The following UGT1A10 variants were observed in gnomAD, a reference collection of about 807,000 sequenced individuals.
UGT1A10 encodes UDP glucuronosyltransferase family 1 member A10, also known as UDP-glucuronosyltransferase 1A10.
A neutral mutation model predicts 45.8 loss-of-function variants in UGT1A10; 49 were observed. The observed-to-expected ratio is 1.07, with a 90% CI of 0.85 to 1.36. UGT1A10 has a LOEUF of 1.36. UGT1A10 is among the 40% of genes most tolerant of loss of function. UGT1A10 has a pLI of 0.00. For synonymous variants in UGT1A10, 284 were observed against 249.7 expected, an observed-to-expected ratio of 1.14 and a Z score of -1.29; for missense variants, 745 against 668.6, an observed-to-expected ratio of 1.11 and a Z score of -1.26.
Position 233,767,180 on chromosome 2 carries a change from T to C in UGT1A10, c.987+15T>C, listed in dbSNP as rs4148327. 1,996 of 1,614,008 alleles carry C rather than the reference T, an allele frequency of 1.2e-3. 35 individuals are homozygous for C. In the East Asian group the frequency reaches 0.04, roughly 32 times the overall value. On this transcript the variant is annotated intron_variant, in intron 2 of 4. Transcript: ENST00000344644. Reference sequence around the variant, plus strand: ...TCCCTCAGACAGTAAGAAGATTCTATACCATGGCCTCATATCTATTTTCAC... The same window carrying C: ...TCCCTCAGACAGTAAGAAGATTCTACACCATGGCCTCATATCTATTTTCAC...
chr2:233,718,994 G>A lies in UGT1A10; in HGVS notation c.856-48040G>A, dbSNP rs749212538. ...AGCTCCATGCCAGAGGCCACCAGGC[G>A]GTGGTCCTCACCCCAGAGGTGAATA... On this transcript the variant is annotated intron_variant, in intron 1 of 4. Coordinates refer to ENST00000344644, the MANE Select transcript of UGT1A10 (RefSeq NM_019075.4). 2.7e-4 allele frequency: 436 copies of A among 1,613,960 alleles called. 1 individual carries two copies. The highest frequency in any genetic ancestry group is 1.8e-3 in the Admixed American group (110 of 60,006).
At chr2:233,668,366 C>T (rs1245270085) in intron 1 of UGT1A10, among the ~76,000 whole-genome samples, 2 of 152,144 alleles carry the variant, frequency 1.3e-5, no homozygotes, top group African/African-American at 2.4e-5. Flanking sequence ...TCATCCATGT[C>T]GCTACAAAGG....
At chr2:233,732,288 A>G (rs568891817) in intron 1 of UGT1A10, among the ~76,000 whole-genome samples, 10 of 152,250 alleles carry the variant, frequency 6.6e-5, no homozygotes, top group Non-Finnish European at 1.0e-4. Context: ...GAAGCTCTTT[A>G]GTTTAATTAG....
chr2:233,685,430 G>A (rs1665210350), intron 1 of UGT1A10, among the ~76,000 whole-genome samples: 1 of 152,068 alleles, frequency 6.6e-6, no homozygotes, highest in Non-Finnish European at 1.5e-5. Context: ...CAGTTATAAA[G>A]AATTCGAGCT....
intron 1 of UGT1A10, among the ~76,000 whole-genome samples, chr2:233,641,648 C>G (rs934664193): frequency 6.6e-6 from 1 of 152,156 alleles, no homozygotes; most frequent in African/African-American, 2.4e-5. Flanking sequence ...GCTTCCTTTT[C>G]TTTCTGATTG....
At chr2:233,643,198 G>C (rs559242984) in intron 1 of UGT1A10, among the ~76,000 whole-genome samples, 18 of 152,330 alleles carry the variant, frequency 1.2e-4, no homozygotes, top group African/African-American at 4.1e-4. Context: ...TCAGGGACTA[G>C]AGTCAAAAAC....
chr2:233,726,468 A>G (rs2077534050), intron 1 of UGT1A10, among the ~76,000 whole-genome samples: 1 of 152,184 alleles, frequency 6.6e-6, no homozygotes, highest in Non-Finnish European at 1.5e-5. Flanking sequence ...TCATTTCTTT[A>G]ACAGAAATTT....
chr2:233,638,872 T>C (rs888750964), intron 1 of UGT1A10, among the ~76,000 whole-genome samples: 2 of 152,232 alleles, frequency 1.3e-5, no homozygotes, highest in African/African-American at 4.8e-5. Context: ...GGCATGACTT[T>C]CAGCTCATGG....
intron 1 of UGT1A10, among the ~76,000 whole-genome samples, chr2:233,749,893 C>A (rs141027223): frequency 6.6e-5 from 10 of 151,938 alleles, no homozygotes; most frequent in Non-Finnish European, 1.2e-4. Context: ...GAGGCTCCCC[C>A]CTCCAGCCAC....
At position 233,672,226 on chromosome 2, in the gene UGT1A10, T is replaced by C. The variant is rs1368031300; in HGVS notation, c.855+34849T>C. 3 of 1,614,100 alleles carry C rather than the reference T, an allele frequency of 1.9e-6. No homozygotes were observed. Among genetic ancestry groups the C allele is most frequent in the African/African-American group, 1.3e-5 (1 of 75,058 alleles). On this transcript the variant is annotated intron_variant, in intron 1 of 4. Transcript: ENST00000344644. ...GTTCAAGGCTTTTGCCCATGCTCAA[T>C]GGAAAGCACAAGTACGAAGTATATA...
At position 233,769,662 on chromosome 2, in the gene UGT1A10, G is replaced by A; in HGVS notation, c.1295+1223G>A. 1 of 1,599,484 alleles carries A rather than the reference G, an allele frequency of 6.3e-7. No individual in the cohort carries two copies. The highest frequency in any genetic ancestry group is 8.5e-7 in the Non-Finnish European group (1 of 1,173,496). On this transcript the variant is annotated intron_variant, in intron 4 of 4. Transcript: ENST00000344644. The surrounding 1 kb of genome is among the most constrained non-coding windows in gnomAD (Gnocchi z 4.4). ...GACTGATGACTGACTTCCCACCTTT[G>A]AGGTGCTAATGTGTGTGTGGTGGCA...
At chr2:233,743,641 G>A (rs750445210) in intron 1 of UGT1A10, 2 of 1,367,204 alleles carry the variant, frequency 1.5e-6, no homozygotes, top group East Asian at 4.5e-5. Context: ...GGTCGCGGAA[G>A]CTGAAGACGT....
chr2:233,644,979 T>A (rs775827048), intron 1 of UGT1A10, among the ~76,000 whole-genome samples: 8 of 152,320 alleles, frequency 5.3e-5, no homozygotes, highest in Admixed American at 1.3e-4. Context: ...AAGGTTCTTA[T>A]GACCCCTGAT....
At chr2:233,700,667 C>G (rs1209326436) in intron 1 of UGT1A10, among the ~76,000 whole-genome samples, 1 of 152,052 alleles carries the variant, frequency 6.6e-6, no homozygotes, top group Non-Finnish European at 1.5e-5. Context: ...TACTTTTCAG[C>G]ACAAATTCGT....
intron 1 of UGT1A10, among the ~76,000 whole-genome samples, chr2:233,666,020 G>T (rs2074069634): frequency 6.6e-6 from 1 of 152,170 alleles, no homozygotes; most frequent in Admixed American, 6.5e-5. Context: ...TGTTTATTTG[G>T]CTGGTGGTTC....
At chr2:233,728,962 C>G (rs1481350452) in intron 1 of UGT1A10, 1 of 1,451,462 alleles carries the variant, frequency 6.9e-7, no homozygotes. Context: ...CAGTGAAAAA[C>G]AGTGATAGAT....
chr2:233,718,197 CT>C (rs1159094218), intron 1 of UGT1A10, among the ~76,000 whole-genome samples: 1 of 152,036 alleles, frequency 6.6e-6, no homozygotes, highest in Non-Finnish European at 1.5e-5. Flanking sequence ...CTCCCCGGAG[CT>C]TTTTTTTATA....
chr2:233,679,257 T>C (rs539011577), intron 1 of UGT1A10, among the ~76,000 whole-genome samples: 122 of 152,338 alleles, frequency 8.0e-4, no homozygotes, highest in African/African-American at 2.9e-3. Flanking sequence ...TAAAAGACAG[T>C]CCCTTGCTGG....
chr2:233,771,017 G>A (rs964132313), intron 4 of UGT1A10: 3 of 152,186 alleles, frequency 2.0e-5, no homozygotes, highest in African/African-American at 7.2e-5. Flanking sequence ...GCAGGAGCGA[G>A]AGAGAGTTGG....
Sources: gnomAD v4.1 joint callset for allele counts (sites outside exome capture counted in the v4.1 genomes callset) on GRCh38, gnomAD v4.1.1 for gene constraint, Gnocchi (gnomAD v3.1) non-coding constraint, MANE v1.5 for transcripts, NCBI Gene and HGNC (gene_info 2026-07-23, HGNC 2026-07-21) for gene names.